Variants in NKAIN2 observed in about 807,000 individuals in gnomAD.
NKAIN2 encodes the protein sodium/potassium transporting ATPase interacting 2, also known as sodium/potassium-transporting ATPase subunit beta-1-interacting protein 2.
Under a neutral mutation model 32.6 loss-of-function variants are expected in NKAIN2, and 14 were observed. That is an observed-to-expected ratio of 0.43 (90% CI 0.28 to 0.67). NKAIN2 has a LOEUF of 0.67. Among genes scored for constraint, NKAIN2 ranks in the 30% least tolerant of loss-of-function variants. The pLI, the probability that NKAIN2 is intolerant of heterozygous loss-of-function variation, is 0.17. For missense variants in NKAIN2, 198 were observed against 258.3 expected (o/e 0.77, Z 1.60); for synonymous variants, 80 against 87.2 (o/e 0.92, Z 0.46).
chr6:124,568,639 A>G (rs1292150497), intron 3 of NKAIN2, among the ~76,000 whole-genome samples: 1 of 152,028 alleles, frequency 6.6e-6, no homozygotes, highest in African/African-American at 2.4e-5. Context: ...AGTCAAGTTT[A>G]TCACTTCTAG....
chr6:123,952,524 A>T (rs1777375552), intron 1 of NKAIN2, among the ~76,000 whole-genome samples: 1 of 152,106 alleles, frequency 6.6e-6, no homozygotes. Context: ...AAATTTGAAT[A>T]TATTGTTGTT....
At chr6:124,044,928 ATAAG>A (rs947714025) in intron 1 of NKAIN2, among the ~76,000 whole-genome samples, 9 of 152,004 alleles carry the variant, frequency 5.9e-5, no homozygotes, top group Non-Finnish European at 1.2e-4. Flanking sequence ...TATAAGGAAA[ATAAG>A]TAAGTCTTTT....
chr6:124,434,905 C>T (rs1206921172), intron 3 of NKAIN2, among the ~76,000 whole-genome samples: 1 of 152,098 alleles, frequency 6.6e-6, no homozygotes, highest in African/African-American at 2.4e-5. Flanking sequence ...TAAGACAATA[C>T]AAATTTTGAG....
Position 123,879,075 on chromosome 6 carries a change from G to A in NKAIN2, c.54+74821G>A, listed in dbSNP as rs548997086. ...ACCTCTAAGGCTTAGAAAAGAAATA[G>A]TATGTACTATGACATGCAAATAATT... On this transcript the variant is annotated intron_variant, in intron 1 of 6. Transcript: ENST00000368417. 5.9e-5 allele frequency among the ~76,000 whole-genome samples: 9 copies of A among 152,272 alleles called. No homozygotes were observed. The East Asian group carries it at 1.7e-3, about 29-fold the overall frequency.
rs200477105 is a variant in NKAIN2, at chr6:123,870,123, C to A, written c.54+65869C>A. Reference sequence around the variant, plus strand: ...TGTGTGCCAGATGGTCATTTGAGCACTGGGGGTATAACAGGTAAGAGACAA... The same window carrying A: ...TGTGTGCCAGATGGTCATTTGAGCAATGGGGGTATAACAGGTAAGAGACAA... On this transcript the variant is annotated intron_variant, in intron 1 of 6. Transcript: ENST00000368417. Among the ~76,000 whole-genome samples, 7 of 152,188 alleles carry A rather than the reference C, an allele frequency of 4.6e-5. No individual in the cohort carries two copies. In the East Asian group the frequency reaches 1.4e-3, roughly 29 times the overall value.
intron 1 of NKAIN2, among the ~76,000 whole-genome samples, chr6:123,896,661 TTTTG>T (rs1467655255): frequency 2.0e-5 from 3 of 152,158 alleles, no homozygotes; most frequent in African/African-American, 2.4e-5. Flanking sequence ...TTTAATGTGT[TTTTG>T]TTTGTTTGTT....
At chr6:124,442,560 C>T (rs1775734528) in intron 3 of NKAIN2, among the ~76,000 whole-genome samples, 1 of 152,080 alleles carries the variant, frequency 6.6e-6, no homozygotes, top group African/African-American at 2.4e-5. Flanking sequence ...TTTGGAACCC[C>T]TGGTCTGGCT....
intron 1 of NKAIN2, among the ~76,000 whole-genome samples, chr6:123,947,373 C>T (rs1169919231): frequency 1.3e-5 from 2 of 152,204 alleles, no homozygotes; most frequent in Non-Finnish European, 1.5e-5. Context: ...AGAGAAAATG[C>T]CATTTCAAAT....
In NKAIN2 at chr6:123,804,092, G is replaced by C; in HGVS notation, c.-109G>C. 2.0e-6 allele frequency: 2 copies of C among 982,368 alleles called. No homozygotes were observed. The allele number at this position is 982,368 out of a possible 1,614,324, so 60.9% of individuals were successfully genotyped here. On this transcript the variant is annotated 5_prime_UTR_variant, in exon 1 of 7. Transcript: ENST00000368417. ...GCAGCAGCAGCAGCCCGGAGCCCCC[G>C]AGCCCTCGGCAGGTTTGCGTGTCCT... is the stretch of plus-strand genomic sequence containing the variant.
intron 4 of NKAIN2, among the ~76,000 whole-genome samples, chr6:124,711,226 G>A (rs1654858641): frequency 1.7e-5 from 2 of 115,634 alleles, no homozygotes; most frequent in Admixed American, 1.8e-4. Flanking sequence ...GCTTCCCTTT[G>A]AGGGTAACCC....
intron 3 of NKAIN2, among the ~76,000 whole-genome samples, chr6:124,610,318 T>C (rs113874729): frequency 2.4e-4 from 36 of 152,344 alleles, no homozygotes; most frequent in Middle Eastern, 6.8e-3. Context: ...CACATAACCG[T>C]CAGTCAAAAT....
At chr6:123,868,955 A>C (rs1772724644) in intron 1 of NKAIN2, among the ~76,000 whole-genome samples, 1 of 152,238 alleles carries the variant, frequency 6.6e-6, no homozygotes, top group African/African-American at 2.4e-5. Context: ...CCTACATATT[A>C]ATGAAGTCTG....
intron 1 of NKAIN2, among the ~76,000 whole-genome samples, chr6:124,005,961 C>T (rs1406221364): frequency 3.3e-5 from 5 of 152,262 alleles, no homozygotes; most frequent in Non-Finnish European, 7.4e-5. Context: ...CTGTGACAGA[C>T]TTCTAACTAG....
At chr6:124,045,904 A>T (rs1782099240) in intron 1 of NKAIN2, among the ~76,000 whole-genome samples, 1 of 152,126 alleles carries the variant, frequency 6.6e-6, no homozygotes, top group South Asian at 2.1e-4. Context: ...AATAATTATG[A>T]AATTCACAAA....
At position 124,761,833 on chromosome 6, in the gene NKAIN2, T is replaced by C. The variant is rs548912771; in HGVS notation, c.475-29506T>C. Among the ~76,000 whole-genome samples, 11 of 152,328 alleles carry C rather than the reference T, an allele frequency of 7.2e-5. No individual in the cohort carries two copies. The South Asian group carries it at 2.1e-3, about 29-fold the overall frequency. ...ACCCATTCTGTTGTATTTGTCATTA[T>C]AAATCCTTTTGCTATCACATTATGA... On this transcript the variant is annotated intron_variant, in intron 4 of 6. Transcript: ENST00000368417.
chr6:123,856,829 G>A (rs1205038470), intron 1 of NKAIN2, among the ~76,000 whole-genome samples: 1 of 152,148 alleles, frequency 6.6e-6, no homozygotes, highest in East Asian at 1.9e-4. Flanking sequence ...AGAATTGCTT[G>A]TGTCTTTTAA....
chr6:124,318,644 C>A (rs1203734054), intron 2 of NKAIN2, among the ~76,000 whole-genome samples: 1 of 152,036 alleles, frequency 6.6e-6, no homozygotes, highest in Non-Finnish European at 1.5e-5. Context: ...CTCAGTTTAA[C>A]TGAGAATCTG....
chr6:124,378,292 GGT>G (rs1188006383), intron 3 of NKAIN2, among the ~76,000 whole-genome samples: 1 of 152,140 alleles, frequency 6.6e-6, no homozygotes, highest in Non-Finnish European at 1.5e-5. Flanking sequence ...TAGGATTCAT[GGT>G]GTGTCATTTC....
chr6:124,649,468 T>G (rs1406719590), intron 3 of NKAIN2, among the ~76,000 whole-genome samples: 2 of 152,086 alleles, frequency 1.3e-5, no homozygotes, highest in Non-Finnish European at 2.9e-5. Flanking sequence ...GAATCAGCAA[T>G]TATTAACTTT....
Sources: gnomAD v4.1 joint callset for allele counts (sites outside exome capture counted in the v4.1 genomes callset) on GRCh38, gnomAD v4.1.1 for gene constraint, MANE v1.5 for transcripts, NCBI Gene and HGNC (gene_info 2026-07-23, HGNC 2026-07-21) for gene names.